EXD3: variants seen among roughly 807,000 people sequenced by gnomAD.
The protein encoded by EXD3 is exonuclease 3'-5' domain containing 3.
Under a neutral mutation model 98.0 loss-of-function variants are expected in EXD3, and 92 were observed. The ratio of observed to expected loss-of-function variants is 0.94; its 90% CI spans 0.79 to 1.12. The LOEUF (loss-of-function observed/expected upper bound fraction) is 1.12, where lower values mean the gene tolerates loss of function less well. Ranked by LOEUF, EXD3 falls within the 50% of genes most tolerant of loss-of-function variation. The pLI, the probability that EXD3 is intolerant of heterozygous loss-of-function variation, is 0.00. For synonymous variants in EXD3, 569 were observed against 526.0 expected (o/e 1.08, Z -1.12); for missense variants, 1,222 against 1,191.6 (o/e 1.03, Z -0.38).
At chr9:137,354,422 G>A (rs958446701) in intron 9 of EXD3, 45 bp from the exon 10 acceptor site, 1 of 1,611,296 alleles carries the variant, frequency 6.2e-7, no homozygotes, top group African/African-American at 1.3e-5. Flanking sequence ...CAGCTCCAGA[G>A]GCTGTATCGG....
intron 3 of EXD3, among the ~76,000 whole-genome samples, chr9:137,375,723 C>T (rs938905976): frequency 1.3e-5 from 2 of 152,222 alleles, no homozygotes; most frequent in African/African-American, 4.8e-5. Context: ...AGTTCTAGCC[C>T]TAGTGAGTTC....
rs143240764 is a variant in EXD3, at chr9:137,398,987, C to T, written c.-47-3583G>A. ...CAAGACACACAGGCAACCATGTCCC[C>T]GTGACACGCGTCCAACATCCTCGTA... is the stretch of plus-strand genomic sequence containing the variant. On this transcript the variant is annotated intron_variant, in intron 1 of 21. Transcript: ENST00000340951. Among the ~76,000 whole-genome samples, 164 of 152,326 alleles carry T rather than the reference C, an allele frequency of 1.1e-3. 1 individual carries two copies. Among genetic ancestry groups the T allele is most frequent in the Middle Eastern group, 0.01 (3 of 294 alleles).
At chr9:137,404,721 G>A (rs958291112) in intron 1 of EXD3, among the ~76,000 whole-genome samples, 4 of 152,148 alleles carry the variant, frequency 2.6e-5, no homozygotes, top group Admixed American at 6.5e-5. Context: ...TTAGCTGGGC[G>A]TGGTGGCACA....
chr9:137,377,061 T>G (rs1287084297), intron 3 of EXD3: 1 of 151,766 alleles, frequency 6.6e-6, no homozygotes, highest in African/African-American at 2.4e-5. Context: ...CTACCAGACC[T>G]CATTCCTCTG....
chr9:137,404,558 CA>C (rs930620247), intron 1 of EXD3, among the ~76,000 whole-genome samples: 1 of 152,012 alleles, frequency 6.6e-6, no homozygotes, highest in Non-Finnish European at 1.5e-5. Flanking sequence ...AAAAATCATG[CA>C]AAAAAAATCA....
At chr9:137,330,317 C>CTACACA (rs1832966852) in intron 17 of EXD3, among the ~76,000 whole-genome samples, 1 of 114,596 alleles carries the variant, frequency 8.7e-6, no homozygotes, top group African/African-American at 3.7e-5. Flanking sequence ...GGAACTACAC[C>CTACACA]GGAGCTACAC....
intron 19 of EXD3, among the ~76,000 whole-genome samples, chr9:137,320,208 C>T (rs1831957668): frequency 6.6e-6 from 1 of 152,216 alleles, no homozygotes. Flanking sequence ...CCAAGGCAGC[C>T]CCCCCGCCCC....
At chr9:137,358,921 A>C (rs1039994167) in intron 7 of EXD3, among the ~76,000 whole-genome samples, 2 of 149,630 alleles carry the variant, frequency 1.3e-5, no homozygotes, top group Non-Finnish European at 3.0e-5. Flanking sequence ...CCTGGCCTTA[A>C]GCGATCCTCC....
intron 10 of EXD3, chr9:137,354,095 C>T (rs1834471505): frequency 3.2e-6 from 4 of 1,261,548 alleles, no homozygotes; most frequent in African/African-American, 1.5e-5. Flanking sequence ...GGCACGGACG[C>T]TGCCGTCTGC....
chr9:137,328,486 A>AACACCCACATGATG (rs1284957127), intron 17 of EXD3, among the ~76,000 whole-genome samples: 3 of 4,180 alleles, frequency 7.2e-4, no homozygotes, highest in Non-Finnish European at 1.1e-3. Context: ...GTAAAAACAA[A>AACACCCACATGATG]AGTAAAAACA....
rs1321617016 is a variant in EXD3, at chr9:137,411,737, G to T, written c.-48+11377C>A. 2.8e-5 allele frequency among the ~76,000 whole-genome samples: 4 copies of T among 143,360 alleles called. No individual in the cohort carries two copies. The East Asian group carries it at 6.4e-4, about 23-fold the overall frequency. The allele number at this position is 143,360 out of a possible 152,430, so 94.0% of individuals were successfully genotyped here. A position where few individuals can be genotyped will look rare whatever the true frequency, so the allele number is the denominator to read the frequency against. On this transcript the variant is annotated intron_variant, in intron 1 of 21. Transcript: ENST00000340951. The stretch of plus-strand genomic sequence containing the variant: ...GAGGGGGATGGGTGGGGGAGGGGGA[G>T]GGGGTGGGGGAGTGGGAGGGAGTCG...
rs573251751 is a variant in EXD3, at chr9:137,325,086, T to C, written c.1999-943A>G. Reference sequence around the variant, plus strand: ...TGTATGTTATATATATTTTTAAAAGTGTATTTCCACACAGTCCACTGCAAA... The same window carrying C: ...TGTATGTTATATATATTTTTAAAAGCGTATTTCCACACAGTCCACTGCAAA... On this transcript the variant is annotated intron_variant, in intron 17 of 21. Coordinates refer to ENST00000340951, the MANE Select transcript of EXD3 (RefSeq NM_017820.5). Among the ~76,000 whole-genome samples the C allele has an allele frequency of 5.9e-5, 9 of 152,282 alleles. 1 individual carries two copies. In the East Asian group the frequency reaches 1.5e-3, roughly 26 times the overall value.
intron 17 of EXD3, chr9:137,346,031 G>A (rs972465967): frequency 6.6e-6 from 1 of 151,516 alleles, no homozygotes; most frequent in Non-Finnish European, 1.5e-5. Flanking sequence ...CTCCTTGATC[G>A]AGACCATCCT....
At chr9:137,312,787 C>T (rs1831436087) in intron 19 of EXD3, among the ~76,000 whole-genome samples, 1 of 152,120 alleles carries the variant, frequency 6.6e-6, no homozygotes, top group African/African-American at 2.4e-5. Flanking sequence ...GAGCCACACC[C>T]ACGAGTAGGC....
rs1401462764 is a variant in EXD3 at position 137,353,095 on chromosome 9, T to C, written c.871-309A>G. ...CAGTTCAGCCCCAGCTGGCCCCTCC[T>C]GGCCTCCAAGCCTCCGCTGACCTTC... On this transcript the variant is annotated intron_variant, in intron 10 of 21. Coordinates refer to ENST00000340951, the MANE Select transcript of EXD3 (RefSeq NM_017820.5). 8.2e-6 allele frequency: 10 copies of C among 1,226,532 alleles called. No homozygotes were observed. The African/African-American group carries it at 1.1e-4, about 14-fold the overall frequency. The allele number at this position is 1,226,532 out of a possible 1,614,324, so 76.0% of individuals were successfully genotyped here. A position where few individuals can be genotyped will look rare whatever the true frequency, so the allele number is the denominator to read the frequency against.
At chr9:137,354,478 G>C in intron 9 of EXD3, 101 bp from the exon 10 acceptor site, 1 of 1,571,740 alleles carries the variant, frequency 6.4e-7, no homozygotes, top group East Asian at 2.3e-5. Context: ...TACATCCTTG[G>C]CAGAGCCCAG....
In EXD3 at chr9:137,307,052, G is replaced by T; in HGVS notation, c.2529C>A (p.Ser843=). 1 of 1,612,232 alleles carries T rather than the reference G, an allele frequency of 6.2e-7. No individual in the cohort carries two copies. Among genetic ancestry groups the T allele is most frequent in the Non-Finnish European group, 8.5e-7 (1 of 1,179,652 alleles). The change falls in exon 22 of 22, where the codon TCC becomes TCA. Residue 843 remains serine, a synonymous_variant. Coordinates refer to ENST00000340951, the MANE Select transcript of EXD3 (RefSeq NM_017820.5). ...AGTGGGTGGCAACACGACCCAGGTGGGAGCCGTCCCAGAAGACCTTTCCAC... is the reference window on the plus strand; with the variant it reads ...AGTGGGTGGCAACACGACCCAGGTGTGAGCCGTCCCAGAAGACCTTTCCAC... ...TGCGKVFWDG[S]HLGRVATHFR... is the part of the protein sequence containing the mutation.
At chr9:137,350,464 G>A (rs191719285) in intron 14 of EXD3, among the ~76,000 whole-genome samples, 1 of 68,874 alleles carries the variant, frequency 1.5e-5, no homozygotes, top group Non-Finnish European at 3.2e-5. Flanking sequence ...GGGGATCACG[G>A]GGAGGGGGCT....
rs769476087 is a variant in EXD3 at position 137,381,098 on chromosome 9, T to TCTCACACACACACA, written c.120+2214_120+2215insTGTGTGTGTGTGAG. On this transcript the variant is annotated intron_variant, in intron 3 of 21. Transcript: ENST00000340951. ...CTGGGTGACAGAGCAAGACTCTGTC[T>TCTCACACACACACA]CACACACACACACACACACACACAC... 1,164 of 134,720 alleles carry TCTCACACACACACA rather than the reference T, an allele frequency of 8.6e-3. 6 individuals carry two copies. The highest frequency in any genetic ancestry group is 0.02 in the African/African-American group (704 of 35,060). The allele number at this position is 134,720 out of a possible 1,614,324, so 8.3% of individuals were successfully genotyped here. A position where few individuals can be genotyped will look rare whatever the true frequency, so the allele number is the denominator to read the frequency against.
Sources: allele counts gnomAD v4.1 joint callset (sites outside exome capture counted in the v4.1 genomes callset), GRCh38; gene constraint gnomAD v4.1.1; transcripts MANE v1.5; gene names NCBI Gene and HGNC (gene_info 2026-07-23, HGNC 2026-07-21).